The following CFAP54 variants were observed in gnomAD, a reference collection of about 807,000 sequenced individuals.
CFAP54 encodes cilia- and flagella-associated protein 54.
In CFAP54, 290 loss-of-function variants were observed where a neutral mutation model predicts 370.4. That is an observed-to-expected ratio of 0.78 (90% CI 0.71 to 0.86). The LOEUF (loss-of-function observed/expected upper bound fraction) is 0.86. Among genes scored for constraint, CFAP54 ranks in the 40% least tolerant of loss-of-function variants. CFAP54 has a pLI of 0.00. For synonymous variants in CFAP54, 1,206 were observed against 1,236.5 expected, an observed-to-expected ratio of 0.98 and a Z score of 0.52; for missense variants, 3,399 against 3,528.7, an observed-to-expected ratio of 0.96 and a Z score of 0.93.
chr12:96,817,089 C>T (rs1245325044), intron 64 of CFAP54, among the ~76,000 whole-genome samples: 1 of 152,204 alleles, frequency 6.6e-6, no homozygotes, highest in Non-Finnish European at 1.5e-5. Context: ...AGCGGATAGT[C>T]AGAGCATGGC....
chr12:96,707,693 A>C (rs751259128), intron 47 of CFAP54, among the ~76,000 whole-genome samples: 1 of 152,204 alleles, frequency 6.6e-6, no homozygotes, highest in Non-Finnish European at 1.5e-5. Flanking sequence ...TGGAGAAAGG[A>C]GTGAAGGCCT....
intron 23 of CFAP54, among the ~76,000 whole-genome samples, chr12:96,592,169 G>A (rs938253388): frequency 5.3e-5 from 8 of 152,206 alleles, no homozygotes; most frequent in African/African-American, 1.7e-4. Context: ...GTAAGTGATC[G>A]TTGTCACAGA....
At chr12:96,738,843 T>G (rs1958014131) in intron 50 of CFAP54, among the ~76,000 whole-genome samples, 1 of 152,064 alleles carries the variant, frequency 6.6e-6, no homozygotes, top group South Asian at 2.1e-4. Context: ...ATCTTCTGAC[T>G]TCGTGATCTG....
At chr12:96,658,633 TG>T (rs754336884) in intron 38 of CFAP54, among the ~76,000 whole-genome samples, 199 of 152,184 alleles carry the variant, frequency 1.3e-3, no homozygotes, top group Middle Eastern at 3.4e-3. Flanking sequence ...TTTTTGTTTT[TG>T]TTTTTGTTTT....
intron 42 of CFAP54, among the ~76,000 whole-genome samples, chr12:96,687,873 C>A (rs562209449): frequency 2.6e-5 from 4 of 152,156 alleles, no homozygotes; most frequent in Non-Finnish European, 4.4e-5. Flanking sequence ...AGGGCACCTC[C>A]GCTTCTCTGA....
At chr12:96,622,015 T>A (rs186986871) in intron 27 of CFAP54, among the ~76,000 whole-genome samples, 1 of 150,974 alleles carries the variant, frequency 6.6e-6, no homozygotes, top group Non-Finnish European at 1.5e-5. Flanking sequence ...TTACACCCAG[T>A]TGGACACTGG....
In CFAP54 at chr12:96,827,707, T is replaced by TATATAATTATATATAATTATATTAA. The variant is rs1565994320; in HGVS notation, c.9097-1284_9097-1283insAAATATAATTATATATAATTATATT. On this transcript the variant is annotated intron_variant, in intron 65 of 67. Coordinates refer to ENST00000524981, the MANE Select transcript of CFAP54 (RefSeq NM_001306084.2). ...TGATACATAGTAATATATTATATTA[T>TATATAATTATATATAATTATATTAA]ATATAATTATATATAATTATATTTA... Among the ~76,000 whole-genome samples, 569 of 90,262 alleles carry TATATAATTATATATAATTATATTAA rather than the reference T, an allele frequency of 6.3e-3. 11 individuals are homozygous for TATATAATTATATATAATTATATTAA. Among genetic ancestry groups the TATATAATTATATATAATTATATTAA allele is most frequent in the Non-Finnish European group, 8.6e-3 (423 of 49,006 alleles). The allele number at this position is 90,262 out of a possible 152,430, so 59.2% of individuals were successfully genotyped here.
intron 26 of CFAP54, among the ~76,000 whole-genome samples, chr12:96,601,396 G>C (rs150753859): frequency 0.013 from 2,007 of 152,262 alleles, 42 homozygotes; most frequent in African/African-American, 0.044. Context: ...ATGTTCATCA[G>C]GGATAATGGC....
intron 46 of CFAP54, among the ~76,000 whole-genome samples, chr12:96,704,350 C>A (rs541156979): frequency 6.7e-6 from 1 of 149,072 alleles, no homozygotes; most frequent in Admixed American, 6.7e-5. Context: ...TGGTGTGAAC[C>A]CGGGAGGTGG....
At chr12:96,662,770 C>T (rs2136520045) in intron 38 of CFAP54, among the ~76,000 whole-genome samples, 1 of 152,008 alleles carries the variant, frequency 6.6e-6, no homozygotes, top group African/African-American at 2.4e-5. Flanking sequence ...TTGCTGTTGC[C>T]CCTGCTTGGA....
chr12:96,547,640 A>G (rs957319144), intron 14 of CFAP54, among the ~76,000 whole-genome samples: 1 of 152,208 alleles, frequency 6.6e-6, no homozygotes, highest in African/African-American at 2.4e-5. Flanking sequence ...TGCTTAGTCA[A>G]ATTCTAGTGT....
chr12:96,709,344 T>TA (rs1173195986), intron 48 of CFAP54, among the ~76,000 whole-genome samples: 19 of 152,362 alleles, frequency 1.2e-4, no homozygotes, highest in Admixed American at 5.2e-4. Context: ...GATGACATAG[T>TA]ATATCTTTCT....
chr12:96,622,537 A>G (rs995555773), intron 27 of CFAP54, among the ~76,000 whole-genome samples: 22 of 152,066 alleles, frequency 1.4e-4, no homozygotes, highest in Non-Finnish European at 3.2e-4. Flanking sequence ...TTTAGTAGAG[A>G]TGGGGTTTCA....
In CFAP54 at chr12:96,812,398, C is replaced by A. The variant is rs145546067; in HGVS notation, c.8957+556C>A. Among the ~76,000 whole-genome samples, 4 of 152,296 alleles carry A rather than the reference C, an allele frequency of 2.6e-5. No individual in the cohort carries two copies. The East Asian group carries it at 7.7e-4, about 29-fold the overall frequency. On this transcript the variant is annotated intron_variant, in intron 64 of 67. Transcript: ENST00000524981. ...CCATCAAACAGGTCATCTCTCTTAA[C>A]TTTTTGCTCATGCCTCGTTTCTCTC...
At chr12:96,624,843 T>C (rs1398671007) in intron 28 of CFAP54, among the ~76,000 whole-genome samples, 1 of 152,210 alleles carries the variant, frequency 6.6e-6, no homozygotes. Flanking sequence ...GATTTATGAA[T>C]TGAACTAAGA....
At chr12:96,630,253 C>A in intron 31 of CFAP54, 49 bp downstream of exon 31, 3 of 972,582 alleles carry the variant, frequency 3.1e-6, no homozygotes, top group African/African-American at 1.6e-5. Flanking sequence ...TTAAGAGATT[C>A]ATGTATCTAG....
At chr12:96,617,270 C>T (rs1956429980) in intron 26 of CFAP54, among the ~76,000 whole-genome samples, 1 of 152,074 alleles carries the variant, frequency 6.6e-6, no homozygotes, top group Non-Finnish European at 1.5e-5. Flanking sequence ...CAGCCTGGAG[C>T]TCGGGAGATG....
At chr12:96,773,477 A>G (rs1002043988) in intron 60 of CFAP54, among the ~76,000 whole-genome samples, 3 of 152,192 alleles carry the variant, frequency 2.0e-5, no homozygotes, top group African/African-American at 4.8e-5. Flanking sequence ...GGGAAGTGTC[A>G]TTTTTATCTT....
At chr12:96,562,662 C>T (rs925685794) in intron 17 of CFAP54, among the ~76,000 whole-genome samples, 1 of 152,024 alleles carries the variant, frequency 6.6e-6, no homozygotes, top group African/African-American at 2.4e-5. Flanking sequence ...AACTCCTGAC[C>T]TCAAACGATC....
Sources: gnomAD v4.1 joint callset for allele counts (sites outside exome capture counted in the v4.1 genomes callset) on GRCh38, gnomAD v4.1.1 for gene constraint, MANE v1.5 for transcripts, NCBI Gene and HGNC (gene_info 2026-07-23, HGNC 2026-07-21) for gene names.